MYO1D: variants seen among roughly 807,000 people sequenced by gnomAD.
The protein encoded by MYO1D is unconventional myosin-Id.
MYO1D carries 83 observed loss-of-function variants against 122.0 expected under a neutral mutation model. The observed-to-expected ratio is 0.68, with a 90% CI of 0.57 to 0.82. The LOEUF (loss-of-function observed/expected upper bound fraction) is 0.82. Among genes scored for constraint, MYO1D ranks in the 40% least tolerant of loss-of-function variants. MYO1D has a pLI of 0.00. For synonymous variants in MYO1D, 464 were observed against 446.9 expected (o/e 1.04, Z -0.48); for missense variants, 1,157 against 1,269.5 (o/e 0.91, Z 1.35).
intron 1 of MYO1D, among the ~76,000 whole-genome samples, chr17:32,841,423 TG>T (rs1474836682): frequency 6.6e-6 from 1 of 151,102 alleles, no homozygotes; most frequent in Non-Finnish European, 1.5e-5. Context: ...GCTATGGTTG[TG>T]CCACTGCACT....
Position 32,592,603 on chromosome 17 carries a change from T to C in MYO1D, c.2864+12484A>G, listed in dbSNP as rs568058383. On this transcript the variant is annotated intron_variant, in intron 21 of 21. Transcript: ENST00000318217. ...TTTTATATGGTACTACAGTGGTGGA[T>C]ACATGACACTGCATTTGTCAAAATC... is the stretch of plus-strand genomic sequence containing the variant. Among the ~76,000 whole-genome samples the C allele has an allele frequency of 3.9e-5, 6 of 152,254 alleles. No homozygotes were observed. In the East Asian group the frequency reaches 7.7e-4, roughly 20 times the overall value.
chr17:32,494,652 G>T lies in MYO1D; in HGVS notation c.*107C>A. On this transcript the variant is annotated 3_prime_UTR_variant, in exon 22 of 22. Coordinates refer to ENST00000318217, the MANE Select transcript of MYO1D (RefSeq NM_015194.3). ...TACAGGGGCGGGGCTCCTCTGGGAG[G>T]GGCCCTCGCAGCAGGTTTCTAGCGG... is the stretch of plus-strand genomic sequence containing the variant. The T allele has an allele frequency of 7.6e-7, 1 of 1,310,712 alleles. No individual in the cohort carries two copies. The highest frequency in any genetic ancestry group is 1.0e-6 in the Non-Finnish European group (1 of 979,048). The allele number at this position is 1,310,712 out of a possible 1,614,324, so 81.2% of individuals were successfully genotyped here. A position where few individuals can be genotyped will look rare whatever the true frequency, so the allele number is the denominator to read the frequency against.
intron 20 of MYO1D, among the ~76,000 whole-genome samples, chr17:32,633,234 G>A (rs2088047060): frequency 6.7e-6 from 1 of 150,118 alleles, no homozygotes; most frequent in Admixed American, 6.6e-5. Flanking sequence ...AAAGAATGAA[G>A]AAGGAAAAAA....
At chr17:32,623,243 A>T (rs1002339930) in intron 20 of MYO1D, among the ~76,000 whole-genome samples, 2 of 152,198 alleles carry the variant, frequency 1.3e-5, no homozygotes, top group African/African-American at 2.4e-5. Context: ...GTTCCAATAA[A>T]ATGAAATCCT....
chr17:32,534,846 C>T (rs1476047147), intron 21 of MYO1D, among the ~76,000 whole-genome samples: 2 of 152,172 alleles, frequency 1.3e-5, no homozygotes, highest in East Asian at 1.9e-4. Context: ...ATTGAGTGAG[C>T]GAAGTACAGT....
chr17:32,647,084 C>T (rs1326492745), intron 19 of MYO1D, among the ~76,000 whole-genome samples: 1 of 152,158 alleles, frequency 6.6e-6, no homozygotes, highest in Non-Finnish European at 1.5e-5. Context: ...TCCCTAAACA[C>T]TACAAGTGAT....
intron 11 of MYO1D, among the ~76,000 whole-genome samples, chr17:32,753,835 T>G (rs532587371): frequency 3.3e-5 from 5 of 151,226 alleles, no homozygotes; most frequent in African/African-American, 9.7e-5. Context: ...GAGGCGGAGG[T>G]TGCAGTGAGC....
intron 21 of MYO1D, among the ~76,000 whole-genome samples, chr17:32,537,304 G>C (rs1295223215): frequency 1.3e-5 from 2 of 152,148 alleles, no homozygotes; most frequent in African/African-American, 2.4e-5. Context: ...CTGGTTGCCT[G>C]TTTTTGTAAA....
At chr17:32,693,481 G>T (rs1017265576) in intron 16 of MYO1D, among the ~76,000 whole-genome samples, 2 of 152,000 alleles carry the variant, frequency 1.3e-5, no homozygotes, top group African/African-American at 2.4e-5. Context: ...AGCTAGCAAA[G>T]AATAAAAGTG....
intron 6 of MYO1D, among the ~76,000 whole-genome samples, chr17:32,768,562 G>A (rs1199474834): frequency 6.6e-6 from 1 of 152,176 alleles, no homozygotes; most frequent in Non-Finnish European, 1.5e-5. Flanking sequence ...ATGCTCACTT[G>A]TTGAGGAAGG....
intron 14 of MYO1D, chr17:32,734,716 C>T (rs1203737444): frequency 2.0e-5 from 3 of 150,844 alleles, no homozygotes; most frequent in Non-Finnish European, 2.9e-5. Flanking sequence ...TTTTTTAATG[C>T]TGATTTTTAT....
At chr17:32,652,292 A>G (rs2088403059) in intron 19 of MYO1D, among the ~76,000 whole-genome samples, 1 of 152,218 alleles carries the variant, frequency 6.6e-6, no homozygotes, top group Admixed American at 6.5e-5. Flanking sequence ...TCAACACTTT[A>G]AAGACTGCCA....
intron 21 of MYO1D, among the ~76,000 whole-genome samples, chr17:32,570,652 G>A (rs1488322053): frequency 6.6e-6 from 1 of 151,996 alleles, no homozygotes; most frequent in Non-Finnish European, 1.5e-5. Context: ...GCGCCTGGCC[G>A]GTTATTACAC....
chr17:32,521,655 A>G (rs1910142651), intron 21 of MYO1D, among the ~76,000 whole-genome samples: 1 of 152,208 alleles, frequency 6.6e-6, no homozygotes, highest in Non-Finnish European at 1.5e-5. Context: ...TGGATTAAAT[A>G]AATAAATCTC....
At chr17:32,641,732 C>A (rs2150941625) in intron 19 of MYO1D, among the ~76,000 whole-genome samples, 1 of 152,278 alleles carries the variant, frequency 6.6e-6, no homozygotes, top group East Asian at 1.9e-4. Context: ...TAAATGTCTT[C>A]TTTTGAGAAG....
At chr17:32,729,176 G>A (rs2089609033) in intron 14 of MYO1D, among the ~76,000 whole-genome samples, 1 of 150,620 alleles carries the variant, frequency 6.6e-6, no homozygotes, top group Non-Finnish European at 1.5e-5. Context: ...ATATTTTACG[G>A]GAAAAAAAAC....
chr17:32,798,900 T>C (rs1304636404), intron 1 of MYO1D, among the ~76,000 whole-genome samples: 1 of 152,220 alleles, frequency 6.6e-6, no homozygotes, highest in Non-Finnish European at 1.5e-5. Context: ...TTATTTCTAG[T>C]ATACTGCTGT....
At chr17:32,539,111 A>G (rs915997047) in intron 21 of MYO1D, among the ~76,000 whole-genome samples, 2 of 152,180 alleles carry the variant, frequency 1.3e-5, no homozygotes, top group African/African-American at 4.8e-5. Flanking sequence ...GGAACTTAAA[A>G]TAAATAAATA....
chr17:32,580,289 A>ATTTTTTTTTTTTTT (rs71144843), intron 21 of MYO1D, among the ~76,000 whole-genome samples: 4 of 39,118 alleles, frequency 1.0e-4, no homozygotes, highest in Non-Finnish European at 1.7e-4. Context: ...TGCTAAGAGG[A>ATTTTTTTTTTTTTT]TTTTTTTTTT....
Sources: allele counts gnomAD v4.1 joint callset (sites outside exome capture counted in the v4.1 genomes callset), GRCh38; gene constraint gnomAD v4.1.1; transcripts MANE v1.5; gene names NCBI Gene and HGNC (gene_info 2026-07-23, HGNC 2026-07-21).